DLGAP2: variants seen among roughly 807,000 people sequenced by gnomAD.
The protein encoded by DLGAP2 is disks large-associated protein 2.
DLGAP2 carries 26 observed loss-of-function variants against 100.3 expected under a neutral mutation model. That is an observed-to-expected ratio of 0.26 (90% confidence interval 0.19 to 0.36). The LOEUF (loss-of-function observed/expected upper bound fraction) is 0.36. Among genes scored for constraint, DLGAP2 ranks in the 10% least tolerant of loss-of-function variants. The pLI, the probability that DLGAP2 is intolerant of heterozygous loss-of-function variation, is 1.00. For missense variants in DLGAP2, 1,858 were observed against 1,453.2 expected (o/e 1.28, Z -4.53); for synonymous variants, 886 against 630.1 (o/e 1.41, Z -6.08).
intron 3 of DLGAP2, among the ~76,000 whole-genome samples, chr8:1,434,920 G>C (rs532418315): frequency 6.6e-6 from 1 of 152,116 alleles, no homozygotes. Context: ...TGCAGGAATG[G>C]GCGTGCCTGG....
chr8:1,005,356 C>G lies in DLGAP2; in HGVS notation c.73+97390C>G, dbSNP rs148778366. On this transcript the variant is annotated intron_variant, in intron 2 of 14. Transcript: ENST00000637795. ...CCGCGTCCTTAGCAAGGCAGCCCGT[C>G]AAATAGTTGATGCCCATGTTGTTTC... Among the ~76,000 whole-genome samples, 86 of 150,686 alleles carry G rather than the reference C, an allele frequency of 5.7e-4. No individual in the cohort carries two copies. In the East Asian group the frequency reaches 0.015, roughly 26 times the overall value.
At chr8:912,059 TCACACAGCCTTTATC>T (rs1203872519) in intron 2 of DLGAP2, among the ~76,000 whole-genome samples, 1 of 152,228 alleles carries the variant, frequency 6.6e-6, no homozygotes, top group Admixed American at 6.5e-5. Flanking sequence ...CTTAGCTGCC[TCACACAGCCTTTATC>T]CTGAGTTTTT....
intron 1 of DLGAP2, among the ~76,000 whole-genome samples, chr8:808,062 G>C (rs547270158): frequency 5.9e-5 from 9 of 152,302 alleles, no homozygotes; most frequent in African/African-American, 1.9e-4. Context: ...GGTTGATTTG[G>C]ATAATTTTAC....
chr8:776,515 G>A (rs1166993723), intron 1 of DLGAP2, among the ~76,000 whole-genome samples: 2 of 152,162 alleles, frequency 1.3e-5, no homozygotes, highest in Non-Finnish European at 2.9e-5. Flanking sequence ...TCTACACACT[G>A]CTTTGAATGC....
At chr8:1,371,786 A>G (rs1229970202) in intron 3 of DLGAP2, among the ~76,000 whole-genome samples, 2 of 152,126 alleles carry the variant, frequency 1.3e-5, no homozygotes, top group Admixed American at 6.5e-5. Flanking sequence ...CATTTCTCAT[A>G]TTCCACGTGC....
At chr8:1,318,744 G>GTATATAT (rs1800824470) in intron 3 of DLGAP2, among the ~76,000 whole-genome samples, 2 of 149,040 alleles carry the variant, frequency 1.3e-5, no homozygotes, top group Non-Finnish European at 3.0e-5. Flanking sequence ...TATTTTTACT[G>GTATATAT]TTTTCATTGT....
At chr8:953,351 G>A (rs780494556) in intron 2 of DLGAP2, among the ~76,000 whole-genome samples, 1 of 151,954 alleles carries the variant, frequency 6.6e-6, no homozygotes, top group Non-Finnish European at 1.5e-5. Context: ...TTGTCACCAC[G>A]CCCGGCTAAT....
At chr8:830,785 C>A (rs1796766206) in intron 1 of DLGAP2, among the ~76,000 whole-genome samples, 1 of 151,904 alleles carries the variant, frequency 6.6e-6, no homozygotes. Context: ...TCTCATGTTG[C>A]CATTTGAGTT....
intron 1 of DLGAP2, among the ~76,000 whole-genome samples, chr8:879,328 A>AT (rs1325580318): frequency 6.6e-6 from 1 of 152,238 alleles, no homozygotes; most frequent in African/African-American, 2.4e-5. Context: ...CTGTTAGGAC[A>AT]TTCACCGAAA....
intron 2 of DLGAP2, among the ~76,000 whole-genome samples, chr8:1,003,843 A>T (rs1434031324): frequency 6.6e-6 from 1 of 152,208 alleles, no homozygotes; most frequent in African/African-American, 2.4e-5. Context: ...TAATGATGAC[A>T]TGACATTCTA....
intron 6 of DLGAP2, among the ~76,000 whole-genome samples, chr8:1,601,443 A>G (rs1278931671): frequency 6.6e-6 from 1 of 152,154 alleles, no homozygotes; most frequent in East Asian, 1.9e-4. Context: ...GAGAGGCAGA[A>G]ACGTTTACGT....
intron 1 of DLGAP2, among the ~76,000 whole-genome samples, chr8:748,163 T>C (rs199843965): frequency 4.6e-5 from 2 of 43,920 alleles, no homozygotes; most frequent in Non-Finnish European, 8.5e-5. Flanking sequence ...GATGGGCGGG[T>C]CTGCGGTGGG....
intron 2 of DLGAP2, among the ~76,000 whole-genome samples, chr8:989,415 G>A (rs770194521): frequency 2.0e-5 from 3 of 152,120 alleles, no homozygotes; most frequent in African/African-American, 4.8e-5. Context: ...TGAATCGGCC[G>A]CACTTGTGTT....
At chr8:811,383 A>G (rs953859536) in intron 1 of DLGAP2, among the ~76,000 whole-genome samples, 1 of 150,476 alleles carries the variant, frequency 6.6e-6, no homozygotes, top group South Asian at 2.1e-4. Context: ...AGCAGGAACT[A>G]TCTGGGGGCC....
Position 1,295,781 on chromosome 8 carries a change from T to A in DLGAP2, c.106+36898T>A, listed in dbSNP as rs530100189. Among the ~76,000 whole-genome samples the A allele has an allele frequency of 9.2e-5, 14 of 152,228 alleles. No individual in the cohort carries two copies. In the East Asian group the frequency reaches 2.5e-3, roughly 27 times the overall value. ...GCTGTGGGGTGTGTCCCAGCCATCG[T>A]CCCCTCGTGACAGGGAAGTGGGAAG... is the stretch of plus-strand genomic sequence containing the variant. On this transcript the variant is annotated intron_variant, in intron 3 of 14. Transcript: ENST00000637795.
At chr8:1,542,078 G>A (rs1801381537) in intron 4 of DLGAP2, among the ~76,000 whole-genome samples, 1 of 152,166 alleles carries the variant, frequency 6.6e-6, no homozygotes, top group Non-Finnish European at 1.5e-5. Context: ...AGGAGATTTA[G>A]AAGCAAAAAA....
At chr8:1,368,955 A>G (rs952256781) in intron 3 of DLGAP2, 1 of 152,190 alleles carries the variant, frequency 6.6e-6, no homozygotes, top group Non-Finnish European at 1.5e-5. Context: ...TGCCAAACGC[A>G]GGTCCTCCGC....
intron 3 of DLGAP2, among the ~76,000 whole-genome samples, chr8:1,439,227 C>A (rs1563149819): frequency 6.6e-6 from 1 of 152,182 alleles, no homozygotes; most frequent in Non-Finnish European, 1.5e-5. Context: ...GGAGCATGGT[C>A]ACCGGCGCCA....
chr8:1,264,362 G>C (rs1448780907), intron 3 of DLGAP2, among the ~76,000 whole-genome samples: 1 of 152,118 alleles, frequency 6.6e-6, no homozygotes, highest in African/African-American at 2.4e-5. Flanking sequence ...ATCAAACCCA[G>C]ACACTCACCC....
Sources: gnomAD v4.1 joint callset for allele counts (sites outside exome capture counted in the v4.1 genomes callset) on GRCh38, gnomAD v4.1.1 for gene constraint, MANE v1.5 for transcripts, NCBI Gene and HGNC (gene_info 2026-07-23, HGNC 2026-07-21) for gene names.